Variants in TRPC4 observed in about 807,000 individuals in gnomAD.
TRPC4 encodes transient receptor potential cation channel subfamily C member 4.
TRPC4 carries 49 observed loss-of-function variants against 99.4 expected under a neutral mutation model. That is an observed-to-expected ratio of 0.49 (90% CI 0.39 to 0.63). The LOEUF (loss-of-function observed/expected upper bound fraction) is 0.63, where lower values mean the gene tolerates loss of function less well. Among genes scored for constraint, TRPC4 ranks in the 20% least tolerant of loss-of-function variants. The probability of loss-of-function intolerance (pLI) is 0.00; values close to 1 mark genes in which losing one functional copy is unlikely to be tolerated. For synonymous variants in TRPC4, 454 were observed against 425.9 expected (o/e 1.07, Z -0.81); for missense variants, 898 against 1,152.9 (o/e 0.78, Z 3.20).
chr13:37,642,727 TTTC>T lies in TRPC4; in HGVS notation c.2080-3431_2080-3429del, dbSNP rs1368973168. On this transcript the variant is annotated intron_variant, in intron 8 of 10. Transcript: ENST00000379705. ...CATCCTGGATATGGAAATATGATTC[TTTC>T]TTTTTCTTTTTTTTTTTTTTTTTTG... Among the ~76,000 whole-genome samples, 5 of 4,180 alleles carry T rather than the reference TTTC, an allele frequency of 1.2e-3. No individual in the cohort carries two copies. The Admixed American group carries it at 0.016, about 13-fold the overall frequency. The allele number at this position is 4,180 out of a possible 152,430, so 2.7% of individuals were successfully genotyped here. A position where few individuals can be genotyped will look rare whatever the true frequency, so the allele number is the denominator to read the frequency against.
intron 8 of TRPC4, among the ~76,000 whole-genome samples, chr13:37,640,732 TA>T (rs1054727952): frequency 3.3e-5 from 5 of 152,280 alleles, no homozygotes; most frequent in African/African-American, 1.2e-4. Flanking sequence ...ACTGCACTTC[TA>T]AAAGGAAACA....
chr13:37,752,986 A>ACACG (rs1479351431), intron 2 of TRPC4, among the ~76,000 whole-genome samples: 36 of 151,672 alleles, frequency 2.4e-4, no homozygotes, highest in African/African-American at 8.7e-4. Context: ...CCACACACAC[A>ACACG]CACACGCACA....
At chr13:37,713,457 T>C (rs1465653159) in intron 3 of TRPC4, among the ~76,000 whole-genome samples, 1 of 152,234 alleles carries the variant, frequency 6.6e-6, no homozygotes, top group African/African-American at 2.4e-5. Context: ...TTTTCTTTTC[T>C]TTCTTTTAAT....
chr13:37,668,008 A>G (rs1952706602), intron 5 of TRPC4, among the ~76,000 whole-genome samples: 1 of 152,220 alleles, frequency 6.6e-6, no homozygotes, highest in Non-Finnish European at 1.5e-5. Flanking sequence ...GGTTTACAAC[A>G]TGGTGAAGTC....
At chr13:37,672,963 T>C (rs1952904763) in intron 5 of TRPC4, among the ~76,000 whole-genome samples, 1 of 152,036 alleles carries the variant, frequency 6.6e-6, no homozygotes, top group Admixed American at 6.5e-5. Flanking sequence ...TTTATTATTA[T>C]ACTTTAAGTT....
chr13:37,734,964 G>A (rs1456155145), intron 3 of TRPC4, among the ~76,000 whole-genome samples: 1 of 152,026 alleles, frequency 6.6e-6, no homozygotes, highest in Non-Finnish European at 1.5e-5. Flanking sequence ...AGGAGAAAGG[G>A]AATAGGGTGT....
chr13:37,690,396 C>A (rs1039545632), intron 4 of TRPC4, among the ~76,000 whole-genome samples: 10 of 152,152 alleles, frequency 6.6e-5, no homozygotes, highest in African/African-American at 1.9e-4. Flanking sequence ...TTCACCGCAA[C>A]CTCTGCCTCC....
intron 5 of TRPC4, among the ~76,000 whole-genome samples, chr13:37,670,248 C>A: frequency 6.6e-6 from 1 of 152,172 alleles, no homozygotes; most frequent in East Asian, 1.9e-4. Flanking sequence ...GTGACTAATA[C>A]AATGGAGAAA....
intron 2 of TRPC4, among the ~76,000 whole-genome samples, chr13:37,779,028 G>A (rs9566253): frequency 0.52 from 78,948 of 151,742 alleles, 21,070 homozygotes; most frequent in East Asian, 0.78. Context: ...AACCTCTGCA[G>A]GTAGGTCCTA....
At chr13:37,822,430 C>A (rs1449364081) in intron 1 of TRPC4, among the ~76,000 whole-genome samples, 1 of 151,300 alleles carries the variant, frequency 6.6e-6, no homozygotes, top group East Asian at 2.0e-4. Flanking sequence ...CCCCCCCCAC[C>A]CCACAACAGT....
chr13:37,682,524 A>C (rs999562060), intron 4 of TRPC4, among the ~76,000 whole-genome samples: 1 of 152,154 alleles, frequency 6.6e-6, no homozygotes, highest in Admixed American at 6.5e-5. Flanking sequence ...TTAAAACTCA[A>C]ACAAAGATGA....
intron 4 of TRPC4, among the ~76,000 whole-genome samples, chr13:37,682,581 A>G (rs1953285302): frequency 6.6e-6 from 1 of 152,116 alleles, no homozygotes; most frequent in African/African-American, 2.4e-5. Context: ...TTTACAGAAA[A>G]TTGTAGCCAA....
intron 2 of TRPC4, among the ~76,000 whole-genome samples, chr13:37,771,086 T>C (rs956815028): frequency 5.9e-5 from 9 of 151,650 alleles, no homozygotes; most frequent in African/African-American, 1.9e-4. Flanking sequence ...ACCAATATTG[T>C]ATAGAAAACA....
intron 1 of TRPC4, among the ~76,000 whole-genome samples, chr13:37,799,426 A>C (rs1360486157): frequency 6.6e-6 from 1 of 152,046 alleles, no homozygotes; most frequent in Non-Finnish European, 1.5e-5. Context: ...AACCCTCTTG[A>C]CTGTCTACAT....
rs1319980187 is a variant in TRPC4, at chr13:37,663,569, A to T, written c.1535T>A (p.Met512Lys). Residue 512 changes from methionine to lysine, a missense_variant, in exon 6 of 11, where the codon ATG (methionine) becomes AAG (lysine). Coordinates refer to ENST00000379705, the MANE Select transcript of TRPC4 (RefSeq NM_016179.4). ...LGPLQISLGRMLLDILKFLFI... is the reference protein window; with the variant it reads ...LGPLQISLGRKLLDILKFLFI... ...TAGAAACTTCAAAATGTCCAGGAGC[A>T]TTCTTCCCAGAGATATTTGCAGAGG... 1 of 1,614,110 alleles carries T rather than the reference A, an allele frequency of 6.2e-7. No individual in the cohort carries two copies. The highest frequency in any genetic ancestry group is 8.5e-7 in the Non-Finnish European group (1 of 1,180,032).
intron 1 of TRPC4, among the ~76,000 whole-genome samples, chr13:37,802,805 T>C (rs148264738): frequency 2.6e-5 from 4 of 152,238 alleles, no homozygotes; most frequent in Non-Finnish European, 5.9e-5. Flanking sequence ...ATATAAATAG[T>C]CCTTTTTCTC....
chr13:37,848,326 G>A (rs1227053425), intron 1 of TRPC4, among the ~76,000 whole-genome samples: 1 of 151,978 alleles, frequency 6.6e-6, no homozygotes, highest in Non-Finnish European at 1.5e-5. Context: ...TAGTAAAAAT[G>A]TACAGTATAT....
intron 3 of TRPC4, among the ~76,000 whole-genome samples, chr13:37,744,835 T>C (rs1487812964): frequency 6.6e-6 from 1 of 152,154 alleles, no homozygotes; most frequent in African/African-American, 2.4e-5. Context: ...GTAAACAGTC[T>C]TTTGAGAACT....
intron 7 of TRPC4, among the ~76,000 whole-genome samples, chr13:37,654,332 C>A (rs973875079): frequency 6.6e-6 from 1 of 152,086 alleles, no homozygotes; most frequent in Non-Finnish European, 1.5e-5. Flanking sequence ...AAAGACTTAA[C>A]TATATTTCAT....
Sources: gnomAD v4.1 joint callset for allele counts (sites outside exome capture counted in the v4.1 genomes callset) on GRCh38, gnomAD v4.1.1 for gene constraint, MANE v1.5 for transcripts, NCBI Gene and HGNC (gene_info 2026-07-23, HGNC 2026-07-21) for gene names.